FRK: variants seen among roughly 807,000 people sequenced by gnomAD.
The protein encoded by FRK is tyrosine-protein kinase FRK.
A neutral mutation model predicts 56.4 loss-of-function variants in FRK; 51 were observed. That is an observed-to-expected ratio of 0.90 (90% CI 0.72 to 1.14). FRK has a LOEUF of 1.14. Among genes scored for constraint, FRK ranks in the 50% most tolerant of loss-of-function variants. The probability of loss-of-function intolerance (pLI) is 0.00; values close to 1 mark genes in which losing one functional copy is unlikely to be tolerated. For synonymous variants in FRK, 245 were observed against 217.9 expected, an observed-to-expected ratio of 1.12 and a Z score of -1.10; for missense variants, 570 against 601.4, an observed-to-expected ratio of 0.95 and a Z score of 0.55.
intron 2 of FRK, among the ~76,000 whole-genome samples, chr6:116,002,423 C>A (rs977419437): frequency 6.6e-6 from 1 of 152,156 alleles, no homozygotes; most frequent in Non-Finnish European, 1.5e-5. Context: ...TCGAGACCAT[C>A]CTGGCCAACA....
rs200199042 is a variant in FRK at position 115,941,932 on chromosome 6, AG to A, written c.*481del. ...TTGTAGTTACAGGATATTTTAAAAG[AG>A]AAAAAAAAATCTCAAAGCACAGGTC... On this transcript the variant is annotated 3_prime_UTR_variant, in exon 8 of 8. Coordinates refer to ENST00000606080, the MANE Select transcript of FRK (RefSeq NM_002031.3). 11 of 150,972 alleles carry A rather than the reference AG, an allele frequency of 7.3e-5. No homozygotes were observed. Among genetic ancestry groups the A allele is most frequent in the Admixed American group, 6.7e-4 (10 of 14,982 alleles). 9.4% of individuals were successfully genotyped at this position (150,972 alleles called of 1,614,324 possible). A position where few individuals can be genotyped will look rare whatever the true frequency, so the allele number is the denominator to read the frequency against.
chr6:115,996,193 C>A (rs1216861693), intron 2 of FRK, among the ~76,000 whole-genome samples: 2 of 152,068 alleles, frequency 1.3e-5, no homozygotes, highest in Non-Finnish European at 2.9e-5. Flanking sequence ...TTGGGACATA[C>A]AATTGTCTTT....
the FRK span, among the ~76,000 whole-genome samples, chr6:116,079,357 C>T: frequency 1.3e-5 from 2 of 150,050 alleles, no homozygotes; most frequent in African/African-American, 2.4e-5. Context: ...TTTATATGTC[C>T]TCTTCTTTGA....
At chr6:115,960,041 G>C (rs1773266802) in intron 4 of FRK, among the ~76,000 whole-genome samples, 1 of 152,170 alleles carries the variant, frequency 6.6e-6, no homozygotes, top group African/African-American at 2.4e-5. Context: ...TAGGGGAGGA[G>C]CCAAGATGGC....
At chr6:116,028,840 A>G (rs1283523400) in intron 1 of FRK, among the ~76,000 whole-genome samples, 4 of 152,228 alleles carry the variant, frequency 2.6e-5, no homozygotes, top group East Asian at 1.9e-4. Context: ...GGGGGGACAT[A>G]CTTCAACTCA....
chr6:115,963,086 C>CCA (rs1773447258), intron 4 of FRK, among the ~76,000 whole-genome samples: 1 of 50,110 alleles, frequency 2.0e-5, no homozygotes. Flanking sequence ...AAAAAACCTT[C>CCA]AAAAAATCAA....
chr6:116,061,399 AACAC>A (rs3049929), upstream of FRK, among the ~76,000 whole-genome samples: 174 of 146,638 alleles, frequency 1.2e-3, 1 homozygote, highest in East Asian at 6.4e-3. Flanking sequence ...CTATTTGGGA[AACAC>A]ACACACACAC....
chr6:116,024,534 C>A (rs377480966), intron 1 of FRK, among the ~76,000 whole-genome samples: 3 of 151,128 alleles, frequency 2.0e-5, no homozygotes, highest in Non-Finnish European at 2.9e-5. Context: ...TTTGTTCTTG[C>A]GATAGTTTAC....
upstream of FRK, among the ~76,000 whole-genome samples, chr6:116,061,379 C>A (rs559828427): frequency 1.7e-4 from 26 of 148,670 alleles, no homozygotes; most frequent in Non-Finnish European, 2.8e-4. Flanking sequence ...AATTTCCTAT[C>A]CTTCAAGTAC....
intron 2 of FRK, among the ~76,000 whole-genome samples, chr6:115,994,326 C>A (rs868756378): frequency 5.4e-5 from 5 of 93,130 alleles, no homozygotes; most frequent in South Asian, 4.0e-4. Context: ...TCACAACCTC[C>A]CCCCCCCCCG....
intron 4 of FRK, among the ~76,000 whole-genome samples, chr6:115,960,095 G>A (rs1030592474): frequency 2.0e-5 from 3 of 152,090 alleles, no homozygotes; most frequent in Non-Finnish European, 2.9e-5. Flanking sequence ...CGTGAGCGAC[G>A]CAGAAGACGG....
chr6:115,952,818 A>C (rs1772819988), intron 5 of FRK, among the ~76,000 whole-genome samples: 1 of 151,608 alleles, frequency 6.6e-6, no homozygotes, highest in Non-Finnish European at 1.5e-5. Flanking sequence ...AAACCATCGC[A>C]AGGACAAAAA....
At chr6:115,979,337 A>AT (rs1774110020) in intron 2 of FRK, among the ~76,000 whole-genome samples, 1 of 152,068 alleles carries the variant, frequency 6.6e-6, no homozygotes, top group African/African-American at 2.4e-5. Flanking sequence ...AAAAAGTTTA[A>AT]AAAGTAAAAA....
At chr6:116,093,758 A>T in the FRK span, among the ~76,000 whole-genome samples, 1 of 152,188 alleles carries the variant, frequency 6.6e-6, no homozygotes. Flanking sequence ...AAGGAAGAAA[A>T]TCCTGCCTTC....
At chr6:116,089,538 A>G in the FRK span, among the ~76,000 whole-genome samples, 5 of 152,254 alleles carry the variant, frequency 3.3e-5, no homozygotes, top group African/African-American at 1.2e-4. Context: ...TCAAGGTGTC[A>G]GCAGGCTTGG....
At chr6:116,015,218 T>C (rs1775606633) in intron 1 of FRK, among the ~76,000 whole-genome samples, 1 of 152,170 alleles carries the variant, frequency 6.6e-6, no homozygotes, top group Non-Finnish European at 1.5e-5. Context: ...TGAGGGTGTT[T>C]CTTCCCATGC....
the FRK span, among the ~76,000 whole-genome samples, chr6:116,079,903 T>C: frequency 1.3e-5 from 2 of 152,124 alleles, no homozygotes; most frequent in Non-Finnish European, 2.9e-5. Flanking sequence ...TCTAAGATTA[T>C]GAAAATAGTA....
At position 116,051,453 on chromosome 6, in the gene FRK, C is replaced by T. The variant is rs574982312; in HGVS notation, c.344+8515G>A. ...ATTGCATCATGACAGAAAGATATTA[C>T]ACAAGGGACAGTCTATGACAGTATC... On this transcript the variant is annotated intron_variant, in intron 1 of 7. Coordinates refer to ENST00000606080, the MANE Select transcript of FRK (RefSeq NM_002031.3). Among the ~76,000 whole-genome samples the T allele has an allele frequency of 1.1e-3, 167 of 152,192 alleles. 1 individual carries two copies. The highest frequency in any genetic ancestry group is 2.8e-4 in the Non-Finnish European group (19 of 67,986).
chr6:116,079,529 C>G, the FRK span, among the ~76,000 whole-genome samples: 7 of 151,994 alleles, frequency 4.6e-5, no homozygotes, highest in South Asian at 2.1e-4. Context: ...AAAAAGAAAA[C>G]TTAATTTCAT....
Sources: allele counts gnomAD v4.1 joint callset (sites outside exome capture counted in the v4.1 genomes callset), GRCh38; gene constraint gnomAD v4.1.1; transcripts MANE v1.5; gene names NCBI Gene and HGNC (gene_info 2026-07-23, HGNC 2026-07-21).